MUC5B: variants seen among roughly 807,000 people sequenced by gnomAD.
MUC5B encodes mucin 5B, oligomeric mucus/gel-forming, also known as mucin-5B.
In MUC5B, 116 loss-of-function variants were observed where a neutral mutation model predicts 376.9. The observed-to-expected ratio is 0.31, with a 90% CI of 0.26 to 0.36. The LOEUF (loss-of-function observed/expected upper bound fraction) is 0.36, where lower values mean the gene tolerates loss of function less well. Ranked by LOEUF, MUC5B falls within the 10% of genes least tolerant of loss-of-function variation. The pLI is 1.00. For synonymous variants in MUC5B, 3,517 were observed against 3,390.9 expected (o/e 1.04, Z -1.29); for missense variants, 7,165 against 7,769.9 (o/e 0.92, Z 2.93).
chr11:1,256,366 T>C (rs1862834339), intron 38 of MUC5B, 141 bp downstream of exon 38: 1 of 615,938 alleles, frequency 1.6e-6, no homozygotes. Flanking sequence ...TTGGAAAACA[T>C]CCCCTGCTGC....
At chr11:1,223,709 C>T (rs906304044) in intron 1 of MUC5B, among the ~76,000 whole-genome samples, 6 of 152,248 alleles carry the variant, frequency 3.9e-5, no homozygotes, top group Non-Finnish European at 8.8e-5. Context: ...CCTCAACCCA[C>T]GCTCGACTCC....
chr11:1,259,783 C>A lies in MUC5B; in HGVS notation c.16741C>A (p.Gln5581Lys), dbSNP rs1269765461. The change falls in exon 45 of 49, where the codon CAG (glutamine) becomes AAG (lysine). Residue 5581 changes from glutamine to lysine, a missense_variant. Gln to Lys is a moderately conservative substitution (Grantham distance 53). Transcript: ENST00000529681. The part of the protein sequence containing the change: ...QGFEYKRVAG[Q>K]CCGECVQTAC... ...CTTTGAGTACAAGAGAGTGGCCGGG[C>A]AGTGCTGTGGGGAGTGCGTCCAGAC... The A allele has an allele frequency of 6.2e-7, 1 of 1,612,406 alleles. No individual in the cohort carries two copies. Among genetic ancestry groups the A allele is most frequent in the East Asian group, 2.2e-5 (1 of 44,882 alleles).
At position 1,230,083 on chromosome 11, in the gene MUC5B, C is replaced by T. The variant is rs1445576121; in HGVS notation, c.1299C>T (p.Ile433=). 1.2e-6 allele frequency: 2 copies of T among 1,612,324 alleles called. No individual in the cohort carries two copies. The highest frequency in any genetic ancestry group is 1.7e-6 in the Non-Finnish European group (2 of 1,179,536). Residue 433 remains isoleucine, a synonymous_variant, in exon 11 of 49, where the codon ATC becomes ATT. Transcript: ENST00000529681. ...GCTCTGTGCAGGGCGGGGCCCACAT[C>T]TCCACCTATGATGAGAAACTCTACG... The part of the protein sequence containing the change: ...GTCSVQGGAH[I]STYDEKLYDL...
intron 1 of MUC5B, among the ~76,000 whole-genome samples, chr11:1,224,123 C>T (rs1861824645): frequency 6.6e-6 from 1 of 152,224 alleles, no homozygotes; most frequent in African/African-American, 2.4e-5. Context: ...CTCCTTGCAT[C>T]TGATTCTTCC....
At position 1,236,930 on chromosome 11, in the gene MUC5B, G is replaced by A; in HGVS notation, c.3063G>A (p.Arg1021=). ...FIRLHQDYKG[R]VCGLCGNFDD... Reference sequence around the variant, plus strand: ...CTCTCTCGCTGCCTCTGCAGGGCAGGGTCTGCGGCCTGTGCGGGAACTTCG... The same window carrying A: ...CTCTCTCGCTGCCTCTGCAGGGCAGAGTCTGCGGCCTGTGCGGGAACTTCG... Residue 1021 remains arginine (R), a synonymous_variant, in exon 25 of 49, where the codon AGG becomes AGA. Coordinates refer to ENST00000529681, the MANE Select transcript of MUC5B (RefSeq NM_002458.3). 6.9e-7 allele frequency: 1 copy of A among 1,458,766 alleles called. No individual in the cohort carries two copies. Among genetic ancestry groups the A allele is most frequent in the Non-Finnish European group, 9.1e-7 (1 of 1,099,432 alleles). The allele number at this position is 1,458,766 out of a possible 1,614,324, so 90.4% of individuals were successfully genotyped here.
chr11:1,244,853 C>T lies in MUC5B; in HGVS notation c.7973C>T (p.Thr2658Ile), dbSNP rs1159981665. The T allele has an allele frequency of 3.7e-6, 6 of 1,613,540 alleles. No individual in the cohort carries two copies. The highest frequency in any genetic ancestry group is 1.3e-5 in the African/African-American group (1 of 74,830). ...TCCTCCATCCCGGGGACCACCCACA[C>T]CCCCACAGTGCTGACCACCACCACC... ...TPSSIPGTTH[T>I]PTVLTTTTTT... The change falls in exon 31 of 49, where the codon ACC becomes ATC. Residue 2658 changes from threonine (T) to isoleucine (I), a missense_variant. Around this residue, in one of 31 missense-constraint regions of MUC5B, gnomAD observed 141 missense variants for 111.2 expected, o/e 1.27. Transcript: ENST00000529681.
chr11:1,228,194 G>T (rs549290978), intron 7 of MUC5B, among the ~76,000 whole-genome samples: 1 of 152,206 alleles, frequency 6.6e-6, no homozygotes, highest in East Asian at 1.9e-4. Flanking sequence ...CCCCGCAGCC[G>T]GCAGCCCTGG....
intron 23 of MUC5B, 177 bp from the exon 24 acceptor site, chr11:1,236,209 C>T: frequency 1.7e-6 from 1 of 589,534 alleles, no homozygotes; most frequent in South Asian, 2.5e-5. Flanking sequence ...ACTTCCTGGC[C>T]AGCCTCTTGC....
In MUC5B at chr11:1,237,044, C is replaced by G. The variant is rs747607630; in HGVS notation, c.3177C>G (p.Pro1059=). ...TTGGGAACAGCTGGAAGCTCTCCCC[C>G]TCCTGCCCGGACGCCCTGGCACCCA... The part of the protein sequence containing the change: ...LEFGNSWKLS[P]SCPDALAPKD... The change falls in exon 25 of 49, where the codon CCC becomes CCG. Residue 1059 remains proline (P), a synonymous_variant. Coordinates refer to ENST00000529681, the MANE Select transcript of MUC5B (RefSeq NM_002458.3). 23 of 1,581,348 alleles carry G rather than the reference C, an allele frequency of 1.5e-5. No homozygotes were observed. Among genetic ancestry groups the G allele is most frequent in the Non-Finnish European group, 2.0e-5 (23 of 1,163,004 alleles).
chr11:1,226,265 C>A lies in MUC5B; in HGVS notation c.188C>A (p.Pro63His), dbSNP rs1301573032. 6.4e-7 allele frequency: 1 copy of A among 1,555,554 alleles called. No individual in the cohort carries two copies. Among genetic ancestry groups the A allele is most frequent in the Non-Finnish European group, 8.7e-7 (1 of 1,150,990 alleles). The change falls in exon 3 of 49, where the codon CCC (proline) becomes CAC (histidine). Residue 63 changes from proline to histidine, a missense_variant. Around this residue, in one of 31 missense-constraint regions of MUC5B, gnomAD observed 640 missense variants for 733.0 expected, o/e 0.87. Coordinates refer to ENST00000529681, the MANE Select transcript of MUC5B (RefSeq NM_002458.3). Reference sequence around the variant, plus strand: ...TTTGTTCCACCCGTCACTGTCTTCCCCAGCCTGAGCCGTAAGCAGATGCTG... The same window carrying A: ...TTTGTTCCACCCGTCACTGTCTTCCACAGCCTGAGCCGTAAGCAGATGCTG... The part of the protein sequence containing the change: ...VSFVPPVTVF[P>H]SLSPLNPAHN...
At position 1,243,359 on chromosome 11, in the gene MUC5B, C is replaced by A. The variant is rs1862347397; in HGVS notation, c.6479C>A (p.Pro2160Gln). 1 of 1,558,818 alleles carries A rather than the reference C, an allele frequency of 6.4e-7. No homozygotes were observed. The highest frequency in any genetic ancestry group is 8.7e-7 in the Non-Finnish European group (1 of 1,151,710). ...SSTPGTTPIP[P>Q]VLTTTATTPA... ...ACTCCTGGGACAACTCCCATCCCCC[C>A]AGTGCTGACCACCACCGCCACCACA... Residue 2160 changes from proline (P) to glutamine (Q), a missense_variant, in exon 31 of 49, where the codon CCA becomes CAA. Physicochemically the swap from Pro to Gln is moderately conservative, Grantham distance 76. Around this residue, in one of 31 missense-constraint regions of MUC5B, gnomAD observed 897 missense variants for 779.6 expected, o/e 1.15. Transcript: ENST00000529681.
At position 1,256,665 on chromosome 11, in the gene MUC5B, C is replaced by T; in HGVS notation, c.16137-6C>T. The stretch of plus-strand genomic sequence containing the variant: ...AGGTCTCAGGGCCTCTCTTGTCATC[C>T]TGCAGGAACCAGAGCCCACAGCTGG... On this transcript the variant is annotated splice_polypyrimidine_tract_variant and splice_region_variant and intron_variant, in intron 38 of 48. Coordinates refer to ENST00000529681, the MANE Select transcript of MUC5B (RefSeq NM_002458.3). 1 of 1,557,330 alleles carries T rather than the reference C, an allele frequency of 6.4e-7. No individual in the cohort carries two copies. Among genetic ancestry groups the T allele is most frequent in the Non-Finnish European group, 8.7e-7 (1 of 1,152,696 alleles).
At position 1,255,277 on chromosome 11, in the gene MUC5B, C is replaced by G. The variant is rs1451862655; in HGVS notation, c.15890+11C>G. 1.3e-6 allele frequency: 2 copies of G among 1,510,428 alleles called. No homozygotes were observed. Among genetic ancestry groups the G allele is most frequent in the Non-Finnish European group, 1.8e-6 (2 of 1,122,460 alleles). 93.6% of individuals were successfully genotyped at this position (1,510,428 alleles called of 1,614,324 possible). On this transcript the variant is annotated intron_variant, in intron 36 of 48. Coordinates refer to ENST00000529681, the MANE Select transcript of MUC5B (RefSeq NM_002458.3). ...TCTGATGCTGAGCCAGTGAGTCCTC[C>G]CCTCGGGGGTTGCAGGCCCTGGGGC...
Position 1,241,260 on chromosome 11 carries a change from C to G in MUC5B, c.4380C>G (p.Thr1460=). ...CTGCTGTGCCTACCCCAACCCAGAC[C>G]ACAGCAACCGAAAAGACCACCCTAT... ...TEPAVPTPTQ[T]TATEKTTLWV... The change falls in exon 31 of 49, where the codon ACC becomes ACG. Residue 1460 remains threonine (T), a synonymous_variant. Coordinates refer to ENST00000529681, the MANE Select transcript of MUC5B (RefSeq NM_002458.3). The G allele has an allele frequency of 6.3e-7, 1 of 1,593,210 alleles. No homozygotes were observed. The highest frequency in any genetic ancestry group is 2.3e-5 in the East Asian group (1 of 43,400).
chr11:1,245,589 G>A lies in MUC5B; in HGVS notation c.8709G>A (p.Ala2903=), dbSNP rs371299435. 2.5e-3 allele frequency: 4,007 copies of A among 1,581,756 alleles called. 48 individuals are homozygous for A. Among genetic ancestry groups the A allele is most frequent in the Non-Finnish European group, 3.1e-3 (3,631 of 1,164,030 alleles). ...TTGACACCTACTCCAACATCCGTGC[G>A]GCCGGAGGGGCCGTCTGTGAGCAGC... ...GDFDTYSNIR[A]AGGAVCEQPL... The change falls in exon 31 of 49, where the codon GCG becomes GCA. Residue 2903 remains alanine, a synonymous_variant. Coordinates refer to ENST00000529681, the MANE Select transcript of MUC5B (RefSeq NM_002458.3).
rs1272343977 is a variant in MUC5B at position 1,241,283 on chromosome 11, T to C, written c.4403T>C (p.Leu1468Pro). ...ACCACAGCAACCGAAAAGACCACCC[T>C]ATGGGTGACCCCGAGCATCCGGTCG... ...TQTTATEKTT[L>P]WVTPSIRSTA... Residue 1468 changes from leucine (L) to proline (P), a missense_variant, in exon 31 of 49, where the codon CTA becomes CCA. Coordinates refer to ENST00000529681, the MANE Select transcript of MUC5B (RefSeq NM_002458.3). 3.8e-6 allele frequency: 6 copies of C among 1,598,308 alleles called. No individual in the cohort carries two copies. Among genetic ancestry groups the C allele is most frequent in the African/African-American group, 1.3e-5 (1 of 74,514 alleles).
Position 1,254,214 on chromosome 11 carries a change from C to T in MUC5B, c.15340C>T (p.Leu5114Phe). The T allele has an allele frequency of 6.2e-7, 1 of 1,612,786 alleles. No homozygotes were observed. ...CCATGCACGCTTTGGGAATCTCAGCCTCTACCTGGACAACCACTACTGCAC... is the reference window on the plus strand; with the variant it reads ...CCATGCACGCTTTGGGAATCTCAGCTTCTACCTGGACAACCACTACTGCAC... ...EIHARFGNLSLYLDNHYCTAS... is the reference protein window; with the variant it reads ...EIHARFGNLSFYLDNHYCTAS... Residue 5114 changes from leucine (L) to phenylalanine (F), a missense_variant, in exon 34 of 49, where the codon CTC (leucine) becomes TTC (phenylalanine). Physicochemically the swap from Leu to Phe is conservative, Grantham distance 22. This residue lies in a region of MUC5B where 842 missense variants were observed against 1,016.9 expected (regional missense o/e 0.83). Coordinates refer to ENST00000529681, the MANE Select transcript of MUC5B (RefSeq NM_002458.3).
Position 1,236,940 on chromosome 11 carries a change from C to T in MUC5B, c.3073C>T (p.Leu1025=). 1 of 1,485,160 alleles carries T rather than the reference C, an allele frequency of 6.7e-7. No homozygotes were observed. The highest frequency in any genetic ancestry group is 9.0e-7 in the Non-Finnish European group (1 of 1,112,930). 92.0% of individuals were successfully genotyped at this position (1,485,160 alleles called of 1,614,324 possible). Reference sequence around the variant, plus strand: ...GCCTCTGCAGGGCAGGGTCTGCGGCCTGTGCGGGAACTTCGACGACAATGC... The same window carrying T: ...GCCTCTGCAGGGCAGGGTCTGCGGCTTGTGCGGGAACTTCGACGACAATGC... ...HQDYKGRVCG[L]CGNFDDNAIN... The change falls in exon 25 of 49, where the codon CTG becomes TTG. Residue 1025 remains leucine, a synonymous_variant. Transcript: ENST00000529681.
chr11:1,239,968 G>A lies in MUC5B; in HGVS notation c.3728+25G>A, dbSNP rs757726874. 8.7e-6 allele frequency: 14 copies of A among 1,610,926 alleles called. No individual in the cohort carries two copies. The African/African-American group carries it at 1.6e-4, about 18-fold the overall frequency. On this transcript the variant is annotated intron_variant, in intron 28 of 48. Transcript: ENST00000529681. ...GGTGAGGGGGTGGGAAGCGGGTGGC[G>A]CTGGGGGAGCAGGGCTGGGGAGCAG... is the stretch of plus-strand genomic sequence containing the variant.
Sources: allele counts gnomAD v4.1 joint callset (sites outside exome capture counted in the v4.1 genomes callset), GRCh38; gene constraint gnomAD v4.1.1; regional missense constraint gnomAD v4.1.1; transcripts MANE v1.5; gene names NCBI Gene and HGNC (gene_info 2026-07-23, HGNC 2026-07-21).